The following TMEM220 variants were observed in gnomAD, a reference collection of about 807,000 sequenced individuals.
The protein encoded by TMEM220 is transmembrane protein 220.
In TMEM220, 21 loss-of-function variants were observed where a neutral mutation model predicts 21.7. The ratio of observed to expected loss-of-function variants is 0.97; its 90% CI spans 0.69 to 1.39. TMEM220 has a LOEUF of 1.39. Ranked by LOEUF, TMEM220 falls within the 40% of genes most tolerant of loss-of-function variation. The pLI is 0.00. For missense variants in TMEM220, 191 were observed against 201.9 expected, an observed-to-expected ratio of 0.95 and a Z score of 0.33; for synonymous variants, 80 against 73.6, an observed-to-expected ratio of 1.09 and a Z score of -0.45.
In TMEM220 at chr17:10,729,962, C is replaced by G. The variant is rs1288913924; in HGVS notation, c.-111G>C. On this transcript the variant is annotated 5_prime_UTR_variant, in exon 1 of 6. Transcript: ENST00000341871. The stretch of plus-strand genomic sequence containing the variant: ...CGCGGAGGGACCGAGACCCCCGCCT[C>G]GGTTTCGGTGCCTTGGGGACACTGC... 6 of 1,231,128 alleles carry G rather than the reference C, an allele frequency of 4.9e-6. No individual in the cohort carries two copies. The highest frequency in any genetic ancestry group is 6.1e-6 in the Non-Finnish European group (6 of 986,804). 76.3% of individuals were successfully genotyped at this position (1,231,128 alleles called of 1,614,324 possible). A position where few individuals can be genotyped will look rare whatever the true frequency, so the allele number is the denominator to read the frequency against.
At chr17:10,711,785 T>C, downstream of TMEM220, among the ~76,000 whole-genome samples, 1 of 152,216 alleles carries the variant, frequency 6.6e-6, no homozygotes, top group Non-Finnish European at 1.5e-5. Context: ...CTACAGCAGG[T>C]AAATAAATTT....
intron 5 of TMEM220, among the ~76,000 whole-genome samples, chr17:10,718,106 G>A (rs1353816061): frequency 2.0e-5 from 3 of 152,152 alleles, no homozygotes; most frequent in African/African-American, 7.2e-5. Flanking sequence ...ACAGGTGTGA[G>A]CCACGGCGCC....
chr17:10,729,297 T>C (rs896887923), intron 1 of TMEM220, among the ~76,000 whole-genome samples: 2 of 152,016 alleles, frequency 1.3e-5, no homozygotes, highest in African/African-American at 4.8e-5. Flanking sequence ...TCACGGGAGC[T>C]CTGGAGAGGA....
At chr17:10,717,574 T>A (rs1050016416) in intron 5 of TMEM220, among the ~76,000 whole-genome samples, 7 of 152,208 alleles carry the variant, frequency 4.6e-5, no homozygotes, top group African/African-American at 1.7e-4. Flanking sequence ...ATGTGTTGTT[T>A]AGGAGTTTTC....
At chr17:10,719,712 GA>G (rs1427182666) in intron 5 of TMEM220, among the ~76,000 whole-genome samples, 1 of 152,118 alleles carries the variant, frequency 6.6e-6, no homozygotes, top group Non-Finnish European at 1.5e-5. Flanking sequence ...AAGCAATAAG[GA>G]AAAGGACTGA....
rs10678570 is a variant in TMEM220 at position 10,726,174 on chromosome 17, G to GTC, written c.163+28_163+29dup. On this transcript the variant is annotated intron_variant, in intron 3 of 5. Transcript: ENST00000341871. ...TTATTATGAGGAAATCTGATTTGCT[G>GTC]TCTCTCCATTTAGAATGCAAGGCTT... The GTC allele has an allele frequency of 6.3e-4, 1,002 of 1,589,748 alleles. 4 individuals carry two copies. In the African/African-American group the frequency reaches 0.012, roughly 19 times the overall value.
chr17:10,724,096 C>G (rs1309306363), intron 4 of TMEM220, among the ~76,000 whole-genome samples: 3 of 152,124 alleles, frequency 2.0e-5, no homozygotes. Context: ...TGATGTTTAA[C>G]TTACAGGTCT....
intron 5 of TMEM220, among the ~76,000 whole-genome samples, chr17:10,721,479 C>T (rs367759617): frequency 1.3e-5 from 2 of 151,950 alleles, no homozygotes; most frequent in South Asian, 4.2e-4. Context: ...GTGGCACCTG[C>T]CTGTAATCCC....
At chr17:10,721,722 G>A (rs2074994412) in intron 5 of TMEM220, among the ~76,000 whole-genome samples, 1 of 151,776 alleles carries the variant, frequency 6.6e-6, no homozygotes. Flanking sequence ...GAAACTGGGT[G>A]ATGAGTATAT....
At position 10,714,104 on chromosome 17, in the gene TMEM220, A is replaced by C. The variant is rs1358550951; in HGVS notation, c.*1349T>G. On this transcript the variant is annotated 3_prime_UTR_variant, in exon 6 of 6. Transcript: ENST00000341871. ...AACAGAAACAGATAAAATCAACTTT[A>C]ATAGTATATTTAACCCATTATAGCC... is the stretch of plus-strand genomic sequence containing the variant. The C allele has an allele frequency of 6.6e-6, 1 of 152,242 alleles. No homozygotes were observed. The highest frequency in any genetic ancestry group is 1.5e-5 in the Non-Finnish European group (1 of 68,038). 9.4% of individuals were successfully genotyped at this position (152,242 alleles called of 1,614,324 possible).
At chr17:10,726,381 T>C (rs924739880) in intron 2 of TMEM220, 117 bp from the exon 3 acceptor site, 1 of 824,988 alleles carries the variant, frequency 1.2e-6, no homozygotes, top group Non-Finnish European at 2.0e-6. Context: ...CCCCATGATT[T>C]GCCTCTAAGT....
chr17:10,729,320 G>A (rs780130795), intron 1 of TMEM220, among the ~76,000 whole-genome samples: 3 of 152,142 alleles, frequency 2.0e-5, no homozygotes, highest in Non-Finnish European at 4.4e-5. Context: ...CGCCAACCCA[G>A]AACGGGTATT....
chr17:10,711,929 C>A (rs2074856663), downstream of TMEM220, among the ~76,000 whole-genome samples: 1 of 152,186 alleles, frequency 6.6e-6, no homozygotes, highest in Non-Finnish European at 1.5e-5. Flanking sequence ...AGGGCCTAAA[C>A]AACTATAAGA....
chr17:10,723,062 C>A (rs2075010524), intron 5 of TMEM220, among the ~76,000 whole-genome samples: 1 of 149,964 alleles, frequency 6.7e-6, no homozygotes, highest in African/African-American at 2.5e-5. Context: ...CTCACTGCAA[C>A]CTCTGTCTCC....
At chr17:10,712,060 T>C (rs772631495), downstream of TMEM220, among the ~76,000 whole-genome samples, 4 of 152,216 alleles carry the variant, frequency 2.6e-5, no homozygotes, top group Admixed American at 6.5e-5. Context: ...ACTTGTTCTC[T>C]TGCAGTTCTG....
At chr17:10,729,702 A>T in intron 1 of TMEM220, 78 bp downstream of exon 1, 1 of 1,222,218 alleles carries the variant, frequency 8.2e-7, no homozygotes, top group Non-Finnish European at 1.1e-6. Flanking sequence ...TCTGCCCGCT[A>T]GTCAGTTACA....
chr17:10,729,166 G>T, intron 1 of TMEM220, 106 bp from the exon 2 acceptor site: 1 of 1,284,010 alleles, frequency 7.8e-7, no homozygotes, highest in Non-Finnish European at 1.1e-6. Flanking sequence ...GCCAGACACT[G>T]CAATAGGCAT....
chr17:10,715,674 T>C, intron 5 of TMEM220, 86 bp from the exon 6 acceptor site: 1 of 1,034,738 alleles, frequency 9.7e-7, no homozygotes, highest in Non-Finnish European at 1.3e-6. Flanking sequence ...AAACACATAA[T>C]TACATTTTAG....
rs1164279774 is a variant in TMEM220 at position 10,729,793 on chromosome 17, G to T, written c.59C>A (p.Ala20Glu). 11 of 1,410,860 alleles carry T rather than the reference G, an allele frequency of 7.8e-6. No homozygotes were observed. Among genetic ancestry groups the T allele is most frequent in the Non-Finnish European group, 8.4e-6 (9 of 1,075,290 alleles). 87.4% of individuals were successfully genotyped at this position (1,410,860 alleles called of 1,614,324 possible). A position where few individuals can be genotyped will look rare whatever the true frequency, so the allele number is the denominator to read the frequency against. The stretch of plus-strand genomic sequence containing the variant: ...CGGCCGCCTGACCTGCACCAAGGCC[G>T]CCAGCGCGAAGAAGGCGGCCATGAG... ...NGLMAAFFAL[A>E]ALVQVNDPDA... The change falls in exon 1 of 6, where the codon GCG (alanine) becomes GAG (glutamate). Residue 20 changes from alanine to glutamate, a missense_variant. Physicochemically the swap from Ala to Glu is moderately radical, Grantham distance 107. Coordinates refer to ENST00000341871, the MANE Select transcript of TMEM220 (RefSeq NM_001004313.3).
Sources: allele counts gnomAD v4.1 joint callset (sites outside exome capture counted in the v4.1 genomes callset), GRCh38; gene constraint gnomAD v4.1.1; transcripts MANE v1.5; gene names NCBI Gene and HGNC (gene_info 2026-07-23, HGNC 2026-07-21).